Variants in ZNF521 observed in about 807,000 individuals in gnomAD.
The protein encoded by ZNF521 is LYST-interacting protein 3.
ZNF521 carries 14 observed loss-of-function variants against 105.5 expected under a neutral mutation model. The ratio of observed to expected loss-of-function variants is 0.13; its 90% confidence interval spans 0.09 to 0.21. ZNF521 has a LOEUF of 0.21. ZNF521 is among the 10% of genes least tolerant of loss of function. ZNF521 has a pLI of 1.00. For missense variants in ZNF521, 1,233 were observed against 1,629.7 expected, an observed-to-expected ratio of 0.76 and a Z score of 4.19; for synonymous variants, 635 against 606.0, an observed-to-expected ratio of 1.05 and a Z score of -0.70.
intron 3 of ZNF521, among the ~76,000 whole-genome samples, chr18:25,318,243 T>A (rs1600300233): frequency 6.6e-6 from 1 of 152,170 alleles, no homozygotes; most frequent in Non-Finnish European, 1.5e-5. Flanking sequence ...TACAATTTCA[T>A]TTACAAGAAG....
intron 5 of ZNF521, among the ~76,000 whole-genome samples, chr18:25,111,871 G>A (rs1206314553): frequency 1.3e-5 from 2 of 152,210 alleles, no homozygotes; most frequent in African/African-American, 4.8e-5. Flanking sequence ...TTGAGACGAG[G>A]CAGTGGGATT....
chr18:25,320,128 A>G (rs534164012), intron 3 of ZNF521, among the ~76,000 whole-genome samples: 31 of 152,288 alleles, frequency 2.0e-4, no homozygotes, highest in African/African-American at 7.5e-4. Context: ...TGAAATTTAA[A>G]TATGGATTGT....
At chr18:25,310,125 T>G (rs946877919) in intron 3 of ZNF521, among the ~76,000 whole-genome samples, 2 of 152,142 alleles carry the variant, frequency 1.3e-5, no homozygotes, top group South Asian at 4.1e-4. Flanking sequence ...CCAACATGTC[T>G]GAGGTCATCA....
At chr18:25,066,412 G>T (rs1449173382) in intron 7 of ZNF521, among the ~76,000 whole-genome samples, 5 of 152,104 alleles carry the variant, frequency 3.3e-5, no homozygotes, top group Admixed American at 3.3e-4. Context: ...AAATACAAAT[G>T]GCCTCATTTC....
At chr18:25,078,833 A>G (rs1472523271) in intron 7 of ZNF521, among the ~76,000 whole-genome samples, 5 of 152,220 alleles carry the variant, frequency 3.3e-5, no homozygotes, top group Non-Finnish European at 5.9e-5. Context: ...CGCCCTCTGC[A>G]TGTCCCATCA....
chr18:25,096,531 T>C (rs899413575), intron 5 of ZNF521, among the ~76,000 whole-genome samples: 2 of 152,164 alleles, frequency 1.3e-5, no homozygotes, highest in Non-Finnish European at 2.9e-5. Flanking sequence ...GAGAAACCCT[T>C]TAAGCAGCCT....
At chr18:25,257,698 T>A (rs1473350087) in intron 3 of ZNF521, among the ~76,000 whole-genome samples, 1 of 152,168 alleles carries the variant, frequency 6.6e-6, no homozygotes, top group Non-Finnish European at 1.5e-5. Flanking sequence ...CTCCTCTTCA[T>A]TTTCCAACCT....
chr18:25,202,169 TAAC>T (rs2036004026), intron 4 of ZNF521: 1 of 152,184 alleles, frequency 6.6e-6, no homozygotes, highest in South Asian at 2.1e-4. Context: ...TCATGACAAT[TAAC>T]AAGGGTTAAA....
Position 25,288,905 on chromosome 18 carries a change from C to G in ZNF521, c.220+33103G>C, listed in dbSNP as rs74830319. Among the ~76,000 whole-genome samples the G allele has an allele frequency of 4.2e-3, 639 of 152,320 alleles. 5 individuals are homozygous for G. The highest frequency in any genetic ancestry group is 0.015 in the African/African-American group (613 of 41,566). On this transcript the variant is annotated intron_variant, in intron 3 of 7. Transcript: ENST00000361524. ...TCAGCCTTGCTCCAAACACTTTGGT[C>G]ATGAGCTTTTCATGCTGCCATTAAC...
chr18:25,261,683 C>G (rs1908921055), intron 3 of ZNF521, among the ~76,000 whole-genome samples: 1 of 151,526 alleles, frequency 6.6e-6, no homozygotes, highest in African/African-American at 2.4e-5. Context: ...TTTTTAAAAG[C>G]CACTCAATGA....
At position 25,074,065 on chromosome 18, in the gene ZNF521, CGCGTGTGTGCGT is replaced by C. The variant is rs559256968; in HGVS notation, c.3907-11336_3907-11325del. Among the ~76,000 whole-genome samples the C allele has an allele frequency of 4.6e-4, 54 of 117,572 alleles. 1 individual carries two copies. The East Asian group carries it at 0.012, about 26-fold the overall frequency. The allele number at this position is 117,572 out of a possible 152,430, so 77.1% of individuals were successfully genotyped here. ...GTGTGTCTGTGCACATGTGTGCGCA[CGCGTGTGTGCGT>C]GCGTGTGTGCACGCGCACGGGAATA... On this transcript the variant is annotated intron_variant, in intron 7 of 7. Transcript: ENST00000361524.
At chr18:25,308,648 A>ACCCCCCCCCC (rs764455271) in intron 3 of ZNF521, among the ~76,000 whole-genome samples, 3 of 116,302 alleles carry the variant, frequency 2.6e-5, no homozygotes, top group African/African-American at 9.4e-5. Context: ...CCTTAATGAC[A>ACCCCCCCCCC]TCCCCCCCCC....
At chr18:25,110,694 A>AAC (rs1027749824) in intron 5 of ZNF521, among the ~76,000 whole-genome samples, 7 of 152,032 alleles carry the variant, frequency 4.6e-5, no homozygotes, top group African/African-American at 1.7e-4. Flanking sequence ...TAAAAAAAAA[A>AAC]AAAATTGTGT....
chr18:25,148,363 T>C (rs1322642119), intron 5 of ZNF521, among the ~76,000 whole-genome samples: 3 of 152,198 alleles, frequency 2.0e-5, no homozygotes, highest in East Asian at 3.9e-4. Context: ...GGAAATGGGA[T>C]AAAGTTCAAA....
At chr18:25,127,070 C>T (rs79831169) in intron 5 of ZNF521, among the ~76,000 whole-genome samples, 2,344 of 151,976 alleles carry the variant, frequency 0.015, 55 homozygotes, top group African/African-American at 0.05. Flanking sequence ...TACAAAGACA[C>T]GCCATACTAT....
chr18:25,149,038 CT>C (rs55669133), intron 5 of ZNF521, among the ~76,000 whole-genome samples: 65,935 of 151,898 alleles, frequency 0.43, 14,514 homozygotes, highest in South Asian at 0.58. Context: ...AAGGACTTTT[CT>C]TTTTTCACCA....
chr18:25,191,411 A>G (rs553242537), intron 5 of ZNF521, among the ~76,000 whole-genome samples: 23 of 152,252 alleles, frequency 1.5e-4, no homozygotes, highest in African/African-American at 5.5e-4. Flanking sequence ...TCCTTTGTCA[A>G]GCTGACTGGC....
At chr18:25,134,940 G>A (rs1461255058) in intron 5 of ZNF521, among the ~76,000 whole-genome samples, 1 of 152,058 alleles carries the variant, frequency 6.6e-6, no homozygotes, top group Non-Finnish European at 1.5e-5. Context: ...CCATAACTAA[G>A]CTGCCACAAA....
At chr18:25,089,373 G>A (rs2033696048) in intron 7 of ZNF521, 92 bp downstream of exon 7, 5 of 945,572 alleles carry the variant, frequency 5.3e-6, no homozygotes, top group Non-Finnish European at 8.3e-6. Flanking sequence ...GGCCCAGGGT[G>A]AGTGATACTG....
Sources: allele counts gnomAD v4.1 joint callset (sites outside exome capture counted in the v4.1 genomes callset), GRCh38; gene constraint gnomAD v4.1.1; transcripts MANE v1.5; gene names NCBI Gene and HGNC (gene_info 2026-07-23, HGNC 2026-07-21).